Variants in HJURP observed in about 807,000 individuals in gnomAD.
The protein encoded by HJURP is Holliday junction recognition protein.
Under a neutral mutation model 72.0 loss-of-function variants are expected in HJURP, and 49 were observed. The observed-to-expected ratio is 0.68, with a 90% CI of 0.54 to 0.86. The LOEUF (loss-of-function observed/expected upper bound fraction) is 0.86. Among genes scored for constraint, HJURP ranks in the 40% least tolerant of loss-of-function variants. The probability of loss-of-function intolerance (pLI) is 0.00; values close to 1 mark genes in which losing one functional copy is unlikely to be tolerated. For synonymous variants in HJURP, 357 were observed against 347.1 expected (o/e 1.03, Z -0.32); for missense variants, 908 against 936.3 (o/e 0.97, Z 0.39).
intron 7 of HJURP, among the ~76,000 whole-genome samples, chr2:233,843,535 T>C (rs1705282606): frequency 6.6e-6 from 1 of 152,152 alleles, no homozygotes; most frequent in Admixed American, 6.5e-5. Context: ...TTCAGGGACA[T>C]TCTGCAAAAT....
intron 5 of HJURP, 40 bp from the exon 6 acceptor site, chr2:233,845,860 G>C: frequency 7.4e-7 from 1 of 1,353,310 alleles, no homozygotes; most frequent in South Asian, 1.2e-5. Context: ...AAGAGCTTCT[G>C]AGTATAGCTG....
chr2:233,840,614 TTC>T lies in HJURP; in HGVS notation c.2164_2165del (p.Glu722ArgfsTer15), dbSNP rs774055082. The T allele has an allele frequency of 5.1e-5, 81 of 1,585,978 alleles. No individual in the cohort carries two copies. Among genetic ancestry groups the T allele is most frequent in the Middle Eastern group, 3.4e-4 (2 of 5,922 alleles). On this transcript the variant is annotated frameshift_variant, in exon 8 of 9. Coordinates refer to ENST00000411486, the MANE Select transcript of HJURP (RefSeq NM_018410.5). LOFTEE classifies it high-confidence loss of function. ...ACCAACAGAAACACACCTACCTCTC[TTC>T]TGAGTTGGGCTGTGAAGAGCTGCCC... Reference protein sequence around the residue: ...DQGSSSQPNSEERGENTSYRM... With the variant: ...DQGSSSQPNSXERGENTSYRM...
At chr2:233,853,172 T>G (rs1191125561) in intron 2 of HJURP, among the ~76,000 whole-genome samples, 2 of 152,238 alleles carry the variant, frequency 1.3e-5, no homozygotes, top group African/African-American at 2.4e-5. Context: ...GAACCTTCTG[T>G]GTCCGTTTAA....
At chr2:233,844,082 A>G (rs1559497288) in intron 7 of HJURP, 123 bp downstream of exon 7, 2 of 711,434 alleles carry the variant, frequency 2.8e-6, no homozygotes, top group African/African-American at 3.5e-5. Context: ...CTAACAAGTT[A>G]TGTTGATGAA....
chr2:233,854,440 T>TCTGCTG lies in HJURP; in HGVS notation c.60_61insCAGCAG (p.Gln20_Lys21insGlnGln). ...AAGCGGCGGCGACTGGCCCTGAGCT[T>TCTGCTG]CTGCAGCAGCTGGTCGTCTTCCACG... On this transcript the variant is annotated inframe_insertion, in exon 1 of 9. Coordinates refer to ENST00000411486, the MANE Select transcript of HJURP (RefSeq NM_018410.5). The TCTGCTG allele has an allele frequency of 6.2e-7, 1 of 1,612,296 alleles. No homozygotes were observed. The highest frequency in any genetic ancestry group is 8.5e-7 in the Non-Finnish European group (1 of 1,179,470).
chr2:233,838,528 G>C (rs1399223621), intron 8 of HJURP, among the ~76,000 whole-genome samples: 1 of 152,124 alleles, frequency 6.6e-6, no homozygotes, highest in African/African-American at 2.4e-5. Flanking sequence ...GGTGGGAAAA[G>C]GCACGAGACA....
chr2:233,852,137 C>A (rs1705510244), intron 3 of HJURP, among the ~76,000 whole-genome samples: 1 of 152,202 alleles, frequency 6.6e-6, no homozygotes, highest in Admixed American at 6.5e-5. Flanking sequence ...CTGCACCTCT[C>A]CTCATCTCTC....
intron 8 of HJURP, among the ~76,000 whole-genome samples, chr2:233,838,655 C>G (rs1574639171): frequency 6.6e-6 from 1 of 152,230 alleles, no homozygotes; most frequent in Non-Finnish European, 1.5e-5. Context: ...TGTGGGAGAC[C>G]AGGAGAAACC....
intron 8 of HJURP, among the ~76,000 whole-genome samples, chr2:233,840,116 A>G (rs1042742604): frequency 3.3e-5 from 5 of 152,198 alleles, no homozygotes; most frequent in African/African-American, 1.2e-4. Flanking sequence ...GCACTGAGAT[A>G]TCTGCAGGGC....
rs774269080 is a variant in HJURP, at chr2:233,847,646, T to C, written c.338-185A>G. ...TTAGTAACCCAGAGAACCCCTAGAA[T>C]GGGAAACTGCCTGGGGCCATGGAGT... On this transcript the variant is annotated intron_variant, in intron 4 of 8. Coordinates refer to ENST00000411486, the MANE Select transcript of HJURP (RefSeq NM_018410.5). 2.5e-4 allele frequency among the ~76,000 whole-genome samples: 38 copies of C among 152,238 alleles called. No homozygotes were observed. In the Middle Eastern group the frequency reaches 0.01, roughly 41 times the overall value.
chr2:233,841,321 A>G lies in HJURP; in HGVS notation c.1459T>C (p.Leu487=). The part of the protein sequence containing the change: ...LQGLETRRLS[L]PSSKAKAKSL... The stretch of plus-strand genomic sequence containing the variant: ...TTTGCTTTTGCTTTGCTGGAAGGTA[A>G]ACTCAGCCTGCGGGTTTCTAAGCCC... Residue 487 remains leucine, a synonymous_variant, in exon 8 of 9, where the codon TTA becomes CTA. Transcript: ENST00000411486. The G allele has an allele frequency of 1.2e-6, 2 of 1,614,120 alleles. No individual in the cohort carries two copies. The highest frequency in any genetic ancestry group is 1.7e-6 in the Non-Finnish European group (2 of 1,180,014).
chr2:233,839,313 CG>C (rs1267076464), intron 8 of HJURP, among the ~76,000 whole-genome samples: 1 of 151,670 alleles, frequency 6.6e-6, no homozygotes, highest in Non-Finnish European at 1.5e-5. Flanking sequence ...GTTACCTGCA[CG>C]GAGCAGGCAG....
chr2:233,840,871 G>A lies in HJURP; in HGVS notation c.1909C>T (p.Gln637Ter), dbSNP rs1165197092. The change falls in exon 8 of 9, where the codon CAG becomes TAG. Residue 637 changes from glutamine (Q) to a stop codon, truncating the protein, a stop_gained. Coordinates refer to ENST00000411486, the MANE Select transcript of HJURP (RefSeq NM_018410.5). LOFTEE classifies it high-confidence loss of function. ...LNPDPHFQGF[Q>*]KLPSSPLGCR... ...CCCAGGGGTGATGATGGCAACTTCTGGAAACCCTGGAAGTGAGGGTCTGGA... is the reference window on the plus strand; with the variant it reads ...CCCAGGGGTGATGATGGCAACTTCTAGAAACCCTGGAAGTGAGGGTCTGGA... 11 of 1,613,982 alleles carry A rather than the reference G, an allele frequency of 6.8e-6. No homozygotes were observed. Among genetic ancestry groups the A allele is most frequent in the Non-Finnish European group, 7.6e-6 (9 of 1,180,038 alleles).
intron 8 of HJURP, among the ~76,000 whole-genome samples, chr2:233,839,061 C>T (rs144053887): frequency 6.6e-5 from 10 of 152,364 alleles, no homozygotes; most frequent in Non-Finnish European, 1.5e-4. Flanking sequence ...TGAACACTTA[C>T]GTATGTCCAT....
chr2:233,842,605 CAACA>C (rs1705259976), intron 7 of HJURP, among the ~76,000 whole-genome samples: 2 of 149,384 alleles, frequency 1.3e-5, no homozygotes, highest in Non-Finnish European at 3.0e-5. Context: ...AAAAAAAAAC[CAACA>C]GTGATGGGAA....
intron 4 of HJURP, among the ~76,000 whole-genome samples, chr2:233,849,237 C>T (rs537933319): frequency 2.6e-5 from 4 of 152,208 alleles, no homozygotes; most frequent in East Asian, 3.9e-4. Context: ...GGGAGAGCCA[C>T]GAAGGGTCTG....
At chr2:233,847,359 G>C in intron 5 of HJURP, 38 bp downstream of exon 5, 1 of 1,532,406 alleles carries the variant, frequency 6.5e-7, no homozygotes, top group South Asian at 1.1e-5. Context: ...GCCCCCAAGC[G>C]CCCCCTCTGT....
chr2:233,842,543 C>T (rs1705258633), intron 7 of HJURP, among the ~76,000 whole-genome samples: 1 of 151,750 alleles, frequency 6.6e-6, no homozygotes, highest in African/African-American at 2.4e-5. Context: ...CTAAACAAAC[C>T]TCTTCATATA....
intron 8 of HJURP, among the ~76,000 whole-genome samples, chr2:233,839,534 G>A (rs906114141): frequency 2.0e-5 from 3 of 152,254 alleles, no homozygotes; most frequent in Non-Finnish European, 4.4e-5. Flanking sequence ...ACAGGAGGCC[G>A]CTGGCGGTCT....
Sources: gnomAD v4.1 joint callset for allele counts (sites outside exome capture counted in the v4.1 genomes callset) on GRCh38, gnomAD v4.1.1 for gene constraint, MANE v1.5 for transcripts, NCBI Gene and HGNC (gene_info 2026-07-23, HGNC 2026-07-21) for gene names.